Variants in FER observed in about 807,000 individuals in gnomAD.
FER encodes FER tyrosine kinase.
FER carries 63 observed loss-of-function variants against 111.0 expected under a neutral mutation model. That is an observed-to-expected ratio of 0.57 (90% confidence interval 0.46 to 0.70). The LOEUF is 0.70. Ranked by LOEUF, FER falls within the 30% of genes least tolerant of loss-of-function variation. The pLI is 0.00. For synonymous variants in FER, 327 were observed against 313.9 expected, an observed-to-expected ratio of 1.04 and a Z score of -0.44; for missense variants, 914 against 954.0, an observed-to-expected ratio of 0.96 and a Z score of 0.55.
chr5:109,136,139 C>G (rs755051506), intron 17 of FER, among the ~76,000 whole-genome samples: 3 of 151,650 alleles, frequency 2.0e-5, no homozygotes, highest in Non-Finnish European at 4.4e-5. Flanking sequence ...ACCTGTAATC[C>G]CAGCTACTTG....
Position 109,118,943 on chromosome 5 carries a change from GA to G in FER, c.2048+18435del, listed in dbSNP as rs1321264949. ...GGTCTATCAATTTTGTTGATCTTTT[GA>G]AAAAAAAAAACCAGCTGCTGGATTC... On this transcript the variant is annotated intron_variant, in intron 17 of 19. Coordinates refer to ENST00000281092, the MANE Select transcript of FER (RefSeq NM_005246.4). Among the ~76,000 whole-genome samples, 933 of 140,182 alleles carry G rather than the reference GA, an allele frequency of 6.7e-3. 8 individuals carry two copies. The highest frequency in any genetic ancestry group is 0.023 in the African/African-American group (873 of 38,702). The allele number at this position is 140,182 out of a possible 152,430, so 92.0% of individuals were successfully genotyped here. A position where few individuals can be genotyped will look rare whatever the true frequency, so the allele number is the denominator to read the frequency against.
At position 108,798,475 on chromosome 5, in the gene FER, C is replaced by T. The variant is rs1279510236; in HGVS notation, c.207+86C>T. ...TAGCTCAAACTATTGAATGAGCATACTTAAGTCAGCATTCTAAAGCAGTGA... is the reference window on the plus strand; with the variant it reads ...TAGCTCAAACTATTGAATGAGCATATTTAAGTCAGCATTCTAAAGCAGTGA... On this transcript the variant is annotated intron_variant, in intron 3 of 19. Transcript: ENST00000281092. 4 of 989,264 alleles carry T rather than the reference C, an allele frequency of 4.0e-6. No homozygotes were observed. The Admixed American group carries it at 6.5e-5, about 16-fold the overall frequency. 61.3% of individuals were successfully genotyped at this position (989,264 alleles called of 1,614,324 possible).
At chr5:108,798,881 A>G (rs1756336948) in intron 3 of FER, among the ~76,000 whole-genome samples, 1 of 152,194 alleles carries the variant, frequency 6.6e-6, no homozygotes, top group Non-Finnish European at 1.5e-5. Context: ...TCTGTATTCT[A>G]TAGCTGTACC....
At chr5:109,175,513 G>A (rs2126823453) in intron 17 of FER, among the ~76,000 whole-genome samples, 1 of 152,268 alleles carries the variant, frequency 6.6e-6, no homozygotes, top group South Asian at 2.1e-4. Context: ...AAACATAGGA[G>A]AAATGCTTCA....
intron 13 of FER, among the ~76,000 whole-genome samples, chr5:108,995,628 G>T (rs1763890260): frequency 6.6e-6 from 1 of 152,084 alleles, no homozygotes. Flanking sequence ...GTATTCCATG[G>T]TGTATATGTG....
intron 16 of FER, among the ~76,000 whole-genome samples, chr5:109,092,330 A>C (rs1470930093): frequency 6.7e-6 from 1 of 149,214 alleles, no homozygotes; most frequent in East Asian, 2.0e-4. Flanking sequence ...GGAAAAAGCA[A>C]CCTAAAGAAT....
intron 2 of FER, among the ~76,000 whole-genome samples, chr5:108,769,057 C>G (rs1236797581): frequency 6.6e-6 from 1 of 152,060 alleles, no homozygotes; most frequent in Non-Finnish European, 1.5e-5. Flanking sequence ...AAACTCCTGA[C>G]CTCAGATGAT....
intron 5 of FER, among the ~76,000 whole-genome samples, chr5:108,856,471 C>T (rs1305585767): frequency 3.3e-5 from 5 of 152,128 alleles, no homozygotes; most frequent in Admixed American, 6.5e-5. Flanking sequence ...AGATACCTTT[C>T]GTATCATAGT....
rs1759485094 is a variant in FER, at chr5:109,193,008, T to C, written c.*5433T>C. 6.6e-6 allele frequency: 1 copy of C among 152,104 alleles called. No homozygotes were observed. Among genetic ancestry groups the C allele is most frequent in the African/African-American group, 2.4e-5 (1 of 41,418 alleles). 9.4% of individuals were successfully genotyped at this position (152,104 alleles called of 1,614,324 possible). The stretch of plus-strand genomic sequence containing the variant: ...CAAAGCACCAATGTAAAATGACCCA[T>C]AGCCAACAATAAATGCAATAACAAT... On this transcript the variant is annotated 3_prime_UTR_variant, in exon 20 of 20. Transcript: ENST00000281092.
chr5:108,845,055 T>TACAC (rs1561503469), intron 5 of FER, among the ~76,000 whole-genome samples: 13 of 53,476 alleles, frequency 2.4e-4, no homozygotes, highest in Admixed American at 3.6e-4. Context: ...TATATATATA[T>TACAC]ATATATATAT....
rs560951043 is a variant in FER, at chr5:108,796,270, G to C, written c.-59-1854G>C. 2.0e-5 allele frequency among the ~76,000 whole-genome samples: 3 copies of C among 152,272 alleles called. No homozygotes were observed. The South Asian group carries it at 6.2e-4, about 32-fold the overall frequency. On this transcript the variant is annotated intron_variant, in intron 2 of 19. Transcript: ENST00000281092. ...TGAGTCACCTGGAGCAGGGGATGGG[G>C]TGACACAGTCACCCATGTTGCTACC...
chr5:108,937,702 G>A (rs989767195), intron 10 of FER, among the ~76,000 whole-genome samples: 1 of 151,768 alleles, frequency 6.6e-6, no homozygotes, highest in African/African-American at 2.4e-5. Flanking sequence ...CAATAGAGTG[G>A]AATTGTGTTG....
At chr5:108,892,584 C>T (rs1581081864) in intron 9 of FER, among the ~76,000 whole-genome samples, 1 of 152,104 alleles carries the variant, frequency 6.6e-6, no homozygotes, top group Non-Finnish European at 1.5e-5. Flanking sequence ...GTCAGATGAG[C>T]AGCTTGCAAA....
intron 13 of FER, among the ~76,000 whole-genome samples, chr5:109,020,507 T>G (rs1767781120): frequency 6.6e-6 from 1 of 152,018 alleles, no homozygotes; most frequent in African/African-American, 2.4e-5. Context: ...CTTGTAAGAT[T>G]GAGGAAGAAA....
At chr5:108,849,454 T>TTTGTTGTTGTTGTTGTTGTTGTTGTTG (rs77866064) in intron 5 of FER, among the ~76,000 whole-genome samples, 3 of 146,550 alleles carry the variant, frequency 2.0e-5, no homozygotes, top group African/African-American at 7.5e-5. Context: ...TGGTGGTGGT[T>TTTGTTGTTGTTGTTGTTGTTGTTGTTG]TTGTTGTTGT....
intron 18 of FER, among the ~76,000 whole-genome samples, chr5:109,182,551 G>A (rs2126865588): frequency 6.6e-6 from 1 of 152,110 alleles, no homozygotes; most frequent in East Asian, 1.9e-4. Context: ...TTTACACAAA[G>A]GTTTTTGTTA....
chr5:108,978,343 T>G (rs1050453605), intron 13 of FER, among the ~76,000 whole-genome samples: 2 of 152,350 alleles, frequency 1.3e-5, no homozygotes, highest in Non-Finnish European at 2.9e-5. Context: ...GACAATCCTT[T>G]GCATGTCTGA....
chr5:108,883,684 G>A (rs148210158), intron 9 of FER, among the ~76,000 whole-genome samples, 166 bp downstream of exon 9: 50 of 152,070 alleles, frequency 3.3e-4, no homozygotes, highest in Middle Eastern at 3.4e-3. Flanking sequence ...AAATGATTCT[G>A]TGGTTTTAAA....
chr5:108,798,760 A>G (rs1756321093), intron 3 of FER, among the ~76,000 whole-genome samples: 1 of 152,088 alleles, frequency 6.6e-6, no homozygotes, highest in Non-Finnish European at 1.5e-5. Context: ...AGGTGGGAGG[A>G]TTGCTTGAGC....
Sources: gnomAD v4.1 joint callset for allele counts (sites outside exome capture counted in the v4.1 genomes callset) on GRCh38, gnomAD v4.1.1 for gene constraint, MANE v1.5 for transcripts, NCBI Gene and HGNC (gene_info 2026-07-23, HGNC 2026-07-21) for gene names.